C6orf120: variants seen among roughly 807,000 people sequenced by gnomAD.
The protein encoded by C6orf120 is UPF0669 protein C6orf120.
For missense variants in C6orf120, 311 were observed against 264.2 expected, an observed-to-expected ratio of 1.18 and a Z score of -1.23; for synonymous variants, 165 against 123.1, an observed-to-expected ratio of 1.34 and a Z score of -2.25.
chr6:169,705,497 C>T, downstream of C6orf120: 1 of 737,232 alleles, frequency 1.4e-6, no homozygotes, highest in East Asian at 2.6e-5. Context: ...GCCTCACAAG[C>T]TACCCTGTGT....
chr6:169,705,355 T>A (rs1554407825), downstream of C6orf120: 1 of 1,444,694 alleles, frequency 6.9e-7, no homozygotes, highest in Admixed American at 2.0e-5. Context: ...GTATCTCACA[T>A]AAGAAATTTT....
exon 1 of C6orf120, chr6:169,703,181 C>A: frequency 1.3e-6 from 1 of 769,550 alleles, no homozygotes; most frequent in South Asian, 1.9e-5. Flanking sequence ...AGTTTTGTTA[C>A]CTCAGTTACC....
chr6:169,705,780 A>T (rs977142779), downstream of C6orf120: 1 of 882,948 alleles, frequency 1.1e-6, no homozygotes, highest in African/African-American at 1.7e-5. Flanking sequence ...CTATGGGTTT[A>T]AAAGGAATTC....
exon 1 of C6orf120, chr6:169,702,775 A>T: frequency 6.2e-7 from 1 of 1,613,200 alleles, no homozygotes; most frequent in Non-Finnish European, 8.5e-7. Context: ...CGCCGTGTCC[A>T]TCCCCGCGCA....
At chr6:169,705,073 TG>T, downstream of C6orf120, 1 of 1,303,366 alleles carries the variant, frequency 7.7e-7, no homozygotes, top group Admixed American at 2.1e-5. Context: ...TGCAGCCTTT[TG>T]GAGTGCTGGG....
At chr6:169,705,128 T>TTG (rs1172020358), downstream of C6orf120, 3 of 1,591,166 alleles carry the variant, frequency 1.9e-6, no homozygotes, top group African/African-American at 4.1e-5. Flanking sequence ...TTTTTTAATC[T>TTG]TTACCTGATG....
chr6:169,702,161 G>A (rs571618117), upstream of C6orf120: 3 of 632,038 alleles, frequency 4.7e-6, no homozygotes, highest in African/African-American at 1.8e-5. Flanking sequence ...CCTCGGGTCC[G>A]GATGTATAAA....
At chr6:169,705,334 C>T, downstream of C6orf120, 1 of 1,584,844 alleles carries the variant, frequency 6.3e-7, no homozygotes, top group Non-Finnish European at 8.6e-7. Flanking sequence ...AAATCAAAAC[C>T]AGTATTAGTG....
At chr6:169,705,270 G>A, downstream of C6orf120, 1 of 1,613,328 alleles carries the variant, frequency 6.2e-7, no homozygotes, top group Non-Finnish European at 8.5e-7. Context: ...CCATGGGTAG[G>A]TCTTAATCAT....
exon 1 of C6orf120, chr6:169,702,901 G>A (rs1258828733): frequency 1.9e-6 from 3 of 1,611,222 alleles, no homozygotes; most frequent in Admixed American, 1.7e-5. Context: ...CGGCGAGGCC[G>A]CCTACCCCGC....
At chr6:169,705,608 A>G (rs150361706), downstream of C6orf120, 12 of 1,280,076 alleles carry the variant, frequency 9.4e-6, no homozygotes, top group African/African-American at 2.9e-5. Context: ...AGACATTTCA[A>G]TACTTACCAC....
chr6:169,702,646 G>A, exon 1 of C6orf120: 3 of 1,613,404 alleles, frequency 1.9e-6, no homozygotes, highest in African/African-American at 2.7e-5. Flanking sequence ...GAACCACGAG[G>A]GCAAGATAGT....
exon 1 of C6orf120, chr6:169,702,625 T>A: frequency 6.2e-7 from 1 of 1,613,344 alleles, no homozygotes; most frequent in East Asian, 2.2e-5. Context: ...GAACTACAGC[T>A]ACCTGCGGCT....
At chr6:169,702,765 C>T (rs768037494) in exon 1 of C6orf120, 1 of 1,613,286 alleles carries the variant, frequency 6.2e-7, no homozygotes, top group South Asian at 1.1e-5. Flanking sequence ...GCGGCCCGGA[C>T]GCCGTGTCCA....
chr6:169,704,011 C>T, exon 1 of C6orf120: 1 of 1,600,994 alleles, frequency 6.2e-7, no homozygotes, highest in Non-Finnish European at 8.5e-7. Context: ...TTTTATCCCT[C>T]TTTGCTGTTT....
At chr6:169,702,786 C>T in exon 1 of C6orf120, 1 of 1,613,214 alleles carries the variant, frequency 6.2e-7, no homozygotes, top group Non-Finnish European at 8.5e-7. Context: ...TCCCCGCGCA[C>T]TTCCGGCGCC....
downstream of C6orf120, chr6:169,705,837 G>A (rs1788766320): frequency 1.5e-6 from 1 of 668,734 alleles, no homozygotes; most frequent in African/African-American, 1.8e-5. Context: ...TGCTAATGAG[G>A]ACCATTTTGA....
downstream of C6orf120, chr6:169,705,785 G>A (rs1457264784): frequency 3.5e-6 from 3 of 861,502 alleles, no homozygotes; most frequent in Non-Finnish European, 6.0e-6. Flanking sequence ...GGTTTAAAAG[G>A]AATTCTGTTA....
exon 1 of C6orf120, chr6:169,704,070 C>A: frequency 1.3e-6 from 2 of 1,582,688 alleles, no homozygotes; most frequent in Admixed American, 2.0e-5. Context: ...CCGCTGACAA[C>A]AGTCACAAAT....
Sources: allele counts gnomAD v4.1 joint callset, GRCh38; gene constraint gnomAD v4.1.1; transcripts MANE v1.5; gene names NCBI Gene and HGNC (gene_info 2026-07-23, HGNC 2026-07-21).